RLN2: variants seen among roughly 807,000 people sequenced by gnomAD.
RLN2 encodes prorelaxin H2.
A neutral mutation model predicts 7.3 loss-of-function variants in RLN2; 10 were observed. The ratio of observed to expected loss-of-function variants is 1.36; its 90% CI spans 0.84 to 2.31. The LOEUF (loss-of-function observed/expected upper bound fraction) is 2.31. Among genes scored for constraint, RLN2 ranks in the 30% most tolerant of loss-of-function variants. RLN2 has a pLI of 0.00. For synonymous variants in RLN2, 103 were observed against 82.3 expected (o/e 1.25, Z -1.36); for missense variants, 298 against 217.6 (o/e 1.37, Z -2.32).
the RLN2 span, among the ~76,000 whole-genome samples, chr9:5,333,487 C>T: frequency 6.6e-6 from 1 of 151,918 alleles, no homozygotes. Flanking sequence ...AAGCTGAATC[C>T]CTGAATAGAC....
At chr9:5,322,530 T>G in the RLN2 span, among the ~76,000 whole-genome samples, 1 of 152,092 alleles carries the variant, frequency 6.6e-6, no homozygotes, top group African/African-American at 2.4e-5. Context: ...ATCTTCCTTT[T>G]TTTTGTAGCA....
chr9:5,308,950 T>A (rs1816300256), upstream of RLN2, among the ~76,000 whole-genome samples: 1 of 152,112 alleles, frequency 6.6e-6, no homozygotes, highest in Non-Finnish European at 1.5e-5. Context: ...TTATTCAGTC[T>A]GTTCCCAACT....
chr9:5,301,207 A>G (rs531037847), intron 1 of RLN2, among the ~76,000 whole-genome samples: 17 of 152,334 alleles, frequency 1.1e-4, no homozygotes, highest in African/African-American at 2.2e-4. Flanking sequence ...ATCATGCACT[A>G]TGCAAGATCT....
At chr9:5,328,141 C>T in the RLN2 span, among the ~76,000 whole-genome samples, 2 of 151,918 alleles carry the variant, frequency 1.3e-5, no homozygotes, top group Non-Finnish European at 2.9e-5. Context: ...TCTAACCCAT[C>T]CCAAGTAAGT....
chr9:5,306,689 A>G (rs1269150139), upstream of RLN2, among the ~76,000 whole-genome samples: 21 of 152,040 alleles, frequency 1.4e-4, no homozygotes. Context: ...CAATTGCTGG[A>G]GTTTGGGTTC....
chr9:5,309,869 C>G, the RLN2 span, among the ~76,000 whole-genome samples: 1 of 151,936 alleles, frequency 6.6e-6, no homozygotes, highest in African/African-American at 2.4e-5. Context: ...AGCATGGGAG[C>G]ACCTAGAAGG....
the RLN2 span, among the ~76,000 whole-genome samples, chr9:5,325,043 A>G: frequency 6.6e-6 from 1 of 152,198 alleles, no homozygotes; most frequent in East Asian, 1.9e-4. Flanking sequence ...AAACCAAGTT[A>G]GATAAGATCT....
chr9:5,315,341 C>A, the RLN2 span, among the ~76,000 whole-genome samples: 1 of 150,478 alleles, frequency 6.6e-6, no homozygotes, highest in African/African-American at 2.5e-5. Context: ...CAACAGCAGA[C>A]TAGATCAAGC....
the RLN2 span, among the ~76,000 whole-genome samples, chr9:5,320,365 A>C: frequency 2.1e-4 from 32 of 151,850 alleles, no homozygotes; most frequent in South Asian, 6.5e-3. Context: ...GGACACAACA[A>C]AATTATTTAT....
chr9:5,333,356 A>G, the RLN2 span, among the ~76,000 whole-genome samples: 2 of 152,062 alleles, frequency 1.3e-5, no homozygotes, highest in Admixed American at 1.3e-4. Flanking sequence ...CACTGAACCC[A>G]CAGAAATACA....
intron 1 of RLN2, among the ~76,000 whole-genome samples, chr9:5,301,627 A>C (rs1174899390): frequency 6.6e-6 from 1 of 152,186 alleles, no homozygotes; most frequent in African/African-American, 2.4e-5. Context: ...GAAATAATGA[A>C]AATAAAGAGA....
the RLN2 span, among the ~76,000 whole-genome samples, chr9:5,321,770 C>T: frequency 6.6e-6 from 1 of 151,902 alleles, no homozygotes; most frequent in Non-Finnish European, 1.5e-5. Context: ...AAAGCAAGAA[C>T]ACTGCAAGCA....
upstream of RLN2, among the ~76,000 whole-genome samples, chr9:5,308,205 A>G (rs1816288047): frequency 6.6e-6 from 1 of 152,074 alleles, no homozygotes. Context: ...GAAGAATCAA[A>G]CAAGAAATGA....
chr9:5,318,071 C>T, the RLN2 span, among the ~76,000 whole-genome samples: 3 of 151,322 alleles, frequency 2.0e-5, no homozygotes, highest in East Asian at 5.8e-4. Context: ...AGGGTTTCGC[C>T]ACATTGGCCA....
chr9:5,335,678 CA>C, the RLN2 span: 1 of 836,840 alleles, frequency 1.2e-6, no homozygotes. Context: ...TGTTTGCATA[CA>C]CAAAGAAAAG....
the RLN2 span, among the ~76,000 whole-genome samples, chr9:5,337,360 C>A: frequency 6.6e-6 from 1 of 151,974 alleles, no homozygotes; most frequent in Non-Finnish European, 1.5e-5. Context: ...TATTTTTAAA[C>A]CTGTTTTGAA....
At chr9:5,301,579 T>A (rs1816136622) in intron 1 of RLN2, among the ~76,000 whole-genome samples, 1 of 152,178 alleles carries the variant, frequency 6.6e-6, no homozygotes, top group Non-Finnish European at 1.5e-5. Context: ...CTCTTCTTCC[T>A]GGACAGGAAA....
chr9:5,317,401 G>A, the RLN2 span, among the ~76,000 whole-genome samples: 1 of 150,954 alleles, frequency 6.6e-6, no homozygotes, highest in African/African-American at 2.4e-5. Context: ...GCAATGAGCT[G>A]AGACTGCATC....
the RLN2 span, among the ~76,000 whole-genome samples, chr9:5,319,996 T>C: frequency 1.3e-5 from 2 of 151,868 alleles, no homozygotes; most frequent in African/African-American, 2.4e-5. Flanking sequence ...ACTTTTTTTT[T>C]TTTTTTTAAG....
Sources: gnomAD v4.1 joint callset for allele counts (sites outside exome capture counted in the v4.1 genomes callset) on GRCh38, gnomAD v4.1.1 for gene constraint, MANE v1.5 for transcripts, NCBI Gene and HGNC (gene_info 2026-07-23, HGNC 2026-07-21) for gene names.